CRYBG1: variants seen among roughly 807,000 people sequenced by gnomAD.
CRYBG1 encodes the protein beta/gamma crystallin domain-containing protein 1.
A neutral mutation model predicts 189.2 loss-of-function variants in CRYBG1; 139 were observed. The ratio of observed to expected loss-of-function variants is 0.73; its 90% CI spans 0.64 to 0.85. CRYBG1 has a LOEUF of 0.85. Ranked by LOEUF, CRYBG1 falls within the 40% of genes least tolerant of loss-of-function variation. The probability of loss-of-function intolerance (pLI) is 0.00; values close to 1 mark genes in which losing one functional copy is unlikely to be tolerated. For synonymous variants in CRYBG1, 1,023 were observed against 1,017.1 expected, an observed-to-expected ratio of 1.01 and a Z score of -0.11; for missense variants, 2,611 against 2,675.8, an observed-to-expected ratio of 0.98 and a Z score of 0.53.
intron 1 of CRYBG1, among the ~76,000 whole-genome samples, chr6:106,430,942 A>G (rs931336766): frequency 6.6e-6 from 1 of 152,058 alleles, no homozygotes; most frequent in Admixed American, 6.6e-5. Flanking sequence ...GCTCACTGCA[A>G]CCACCACCTC....
At chr6:106,543,022 AATTTT>A (rs1477025393) in intron 10 of CRYBG1, among the ~76,000 whole-genome samples, 8 of 148,302 alleles carry the variant, frequency 5.4e-5, no homozygotes, top group Middle Eastern at 3.6e-3. Flanking sequence ...AATTAAATTT[AATTTT>A]ATTTTATTTT....
At chr6:106,457,218 A>T (rs542785826) in intron 2 of CRYBG1, 1 of 152,112 alleles carries the variant, frequency 6.6e-6, no homozygotes, top group African/African-American at 2.4e-5. Context: ...GCTGGTAGGG[A>T]CTCTCTACAG....
chr6:106,385,653 C>T (rs1770372146), intron 1 of CRYBG1, among the ~76,000 whole-genome samples: 1 of 152,164 alleles, frequency 6.6e-6, no homozygotes, highest in South Asian at 2.1e-4. Context: ...TCATTGTAAA[C>T]GTCGGTAGAC....
chr6:106,451,766 C>A lies in CRYBG1; in HGVS notation c.246C>A (p.Ser82=). The stretch of plus-strand genomic sequence containing the variant: ...AATTTCCACTGCACTGTGGGGAATC[C>A]CAGTTCTTCCACACCACCAGTGAGG... The part of the protein sequence containing the change: ...SQEFPLHCGE[S]QFFHTTSEAL... Residue 82 remains serine, a synonymous_variant, in exon 2 of 22, where the codon TCC becomes TCA. Coordinates refer to ENST00000633556, the MANE Select transcript of CRYBG1 (RefSeq NM_001371242.2). The A allele has an allele frequency of 1.3e-6, 2 of 1,534,716 alleles. No homozygotes were observed. Among genetic ancestry groups the A allele is most frequent in the South Asian group, 1.2e-5 (1 of 84,004 alleles).
intron 1 of CRYBG1, among the ~76,000 whole-genome samples, chr6:106,401,610 A>T (rs1770723048): frequency 9.2e-6 from 1 of 109,126 alleles, no homozygotes; most frequent in Non-Finnish European, 1.8e-5. Context: ...CCTGTGTCCA[A>T]GTGATCTCAT....
At chr6:106,542,907 C>G (rs923212999) in intron 10 of CRYBG1, among the ~76,000 whole-genome samples, 1 of 148,404 alleles carries the variant, frequency 6.7e-6, no homozygotes, top group East Asian at 2.0e-4. Context: ...CCTTGGCCTC[C>G]CAAAGTGCTG....
intron 1 of CRYBG1, among the ~76,000 whole-genome samples, chr6:106,411,987 C>T (rs1350607874): frequency 6.6e-6 from 1 of 152,254 alleles, no homozygotes; most frequent in East Asian, 1.9e-4. Context: ...TGGATGGTGT[C>T]CACCCGCATT....
chr6:106,544,987 T>G (rs2114575817), intron 13 of CRYBG1, 54 bp downstream of exon 13: 1 of 1,487,430 alleles, frequency 6.7e-7, no homozygotes. Flanking sequence ...CTTGGTTTGT[T>G]TTAAACTGGT....
At chr6:106,373,009 G>C (rs1770070571) in intron 1 of CRYBG1, among the ~76,000 whole-genome samples, 1 of 152,182 alleles carries the variant, frequency 6.6e-6, no homozygotes, top group Non-Finnish European at 1.5e-5. Context: ...GTTGGTAGAG[G>C]CTGTGTGTGT....
chr6:106,437,440 T>C (rs1024751710), intron 1 of CRYBG1, among the ~76,000 whole-genome samples: 7 of 152,132 alleles, frequency 4.6e-5, no homozygotes, highest in Non-Finnish European at 5.9e-5. Flanking sequence ...CTTTTTCTTC[T>C]TCTTTTTTTA....
chr6:106,457,016 A>T (rs1472624224), intron 2 of CRYBG1: 1 of 152,210 alleles, frequency 6.6e-6, no homozygotes, highest in Non-Finnish European at 1.5e-5. Context: ...ACAAGAAGTA[A>T]GACCTCCCCA....
intron 2 of CRYBG1, among the ~76,000 whole-genome samples, chr6:106,506,245 T>C (rs1433422096): frequency 6.6e-6 from 1 of 152,162 alleles, no homozygotes; most frequent in African/African-American, 2.4e-5. Flanking sequence ...ACTAATTCTT[T>C]AGTAGCAGCA....
intron 2 of CRYBG1, among the ~76,000 whole-genome samples, chr6:106,510,824 T>C (rs2114521673): frequency 6.6e-6 from 1 of 152,346 alleles, no homozygotes; most frequent in South Asian, 2.1e-4. Flanking sequence ...GCTCCTCCCA[T>C]TGGAGCTCCG....
rs1407903732 is a variant in CRYBG1 at position 106,360,876 on chromosome 6, T to C, written c.-33T>C. On this transcript the variant is annotated 5_prime_UTR_variant, in exon 1 of 22. Coordinates refer to ENST00000633556, the MANE Select transcript of CRYBG1 (RefSeq NM_001371242.2). ...GGCCCGGGCGGCAGAGAGGACCGCG[T>C]CCCGGCAGTCGGAGCGGGAGGAGGA... 5.2e-5 allele frequency: 78 copies of C among 1,509,456 alleles called. No homozygotes were observed. The highest frequency in any genetic ancestry group is 6.2e-5 in the Non-Finnish European group (70 of 1,133,440). The allele number at this position is 1,509,456 out of a possible 1,614,324, so 93.5% of individuals were successfully genotyped here. A position where few individuals can be genotyped will look rare whatever the true frequency, so the allele number is the denominator to read the frequency against.
intron 1 of CRYBG1, among the ~76,000 whole-genome samples, chr6:106,429,159 G>T (rs150970183): frequency 2.0e-5 from 3 of 152,000 alleles, no homozygotes; most frequent in African/African-American, 7.3e-5. Context: ...TCTATTTTCC[G>T]TCTCTATGTG....
intron 2 of CRYBG1, chr6:106,454,897 TC>T (rs1413451606): frequency 1.3e-5 from 2 of 152,342 alleles, no homozygotes; most frequent in East Asian, 3.8e-4. Context: ...TTGTTCCTTC[TC>T]CACTCCCACT....
At chr6:106,469,595 G>T (rs1216291459) in intron 2 of CRYBG1, among the ~76,000 whole-genome samples, 3 of 152,150 alleles carry the variant, frequency 2.0e-5, no homozygotes, top group South Asian at 2.1e-4. Context: ...TCAATTTTTT[G>T]ATTTGGTTTG....
intron 1 of CRYBG1, among the ~76,000 whole-genome samples, chr6:106,413,676 T>C (rs1181086441): frequency 6.9e-6 from 1 of 144,518 alleles, no homozygotes; most frequent in Non-Finnish European, 1.5e-5. Flanking sequence ...AGATTTTGTC[T>C]CAAAAAAAAA....
At chr6:106,491,563 C>T (rs1772723009) in intron 2 of CRYBG1, among the ~76,000 whole-genome samples, 1 of 152,168 alleles carries the variant, frequency 6.6e-6, no homozygotes, top group Admixed American at 6.5e-5. Flanking sequence ...CAGTGCTCTT[C>T]CAGGCCTCGA....
Sources: gnomAD v4.1 joint callset for allele counts (sites outside exome capture counted in the v4.1 genomes callset) on GRCh38, gnomAD v4.1.1 for gene constraint, MANE v1.5 for transcripts, NCBI Gene and HGNC (gene_info 2026-07-23, HGNC 2026-07-21) for gene names.